Variants in WFS1 observed in about 807,000 individuals in gnomAD.
WFS1 encodes the protein wolframin ER transmembrane glycoprotein.
WFS1 carries 90 observed loss-of-function variants against 68.5 expected under a neutral mutation model. The ratio of observed to expected loss-of-function variants is 1.31; its 90% CI spans 1.11 to 1.56. WFS1 has a LOEUF of 1.56. Among genes scored for constraint, WFS1 ranks in the 40% most tolerant of loss-of-function variants. The pLI, the probability that WFS1 is intolerant of heterozygous loss-of-function variation, is 0.00. For missense variants in WFS1, 1,767 were observed against 1,232.6 expected (o/e 1.43, Z -6.49); for synonymous variants, 860 against 540.7 (o/e 1.59, Z -8.19).
chr4:6,285,104 C>A (rs182881351), intron 2 of WFS1, among the ~76,000 whole-genome samples: 1 of 151,678 alleles, frequency 6.6e-6, no homozygotes, highest in Non-Finnish European at 1.5e-5. Flanking sequence ...CTCTGAGCAG[C>A]GTCCTTGAGG....
chr4:6,296,193 A>T (rs1730634845), intron 7 of WFS1, among the ~76,000 whole-genome samples: 1 of 152,196 alleles, frequency 6.6e-6, no homozygotes, highest in Non-Finnish European at 1.5e-5. Flanking sequence ...GCCAGGGAGA[A>T]GGTCAGAGTA....
chr4:6,297,431 T>G (rs1730666419), intron 7 of WFS1, among the ~76,000 whole-genome samples: 1 of 152,208 alleles, frequency 6.6e-6, no homozygotes. Context: ...CACACAGTTC[T>G]CTTCTGGAGC....
intron 7 of WFS1, 59 bp downstream of exon 7, chr4:6,295,248 A>C: frequency 1.2e-5 from 20 of 1,602,760 alleles, no homozygotes; most frequent in Non-Finnish European, 1.5e-5. Context: ...CGCGCACCTC[A>C]GGCAGGGCAC....
chr4:6,270,415 C>T (rs778920839), intron 1 of WFS1, among the ~76,000 whole-genome samples: 25 of 151,890 alleles, frequency 1.6e-4, no homozygotes, highest in Non-Finnish European at 3.7e-4. Flanking sequence ...CACGGCCGCC[C>T]TCGGTGCCCG....
rs961310421 is a variant in WFS1 at position 6,302,712 on chromosome 4, C to T, written c.*244C>T. 6 of 619,118 alleles carry T rather than the reference C, an allele frequency of 9.7e-6. No individual in the cohort carries two copies. The highest frequency in any genetic ancestry group is 6.1e-5 in the South Asian group (3 of 49,446). The allele number at this position is 619,118 out of a possible 1,614,324, so 38.4% of individuals were successfully genotyped here. ...CATGCCATCTCCACCCTGAGCCTGACCTTTCTGAGTGACATGGGTGTGCCA... is the reference window on the plus strand; with the variant it reads ...CATGCCATCTCCACCCTGAGCCTGATCTTTCTGAGTGACATGGGTGTGCCA... On this transcript the variant is annotated 3_prime_UTR_variant, in exon 8 of 8. Coordinates refer to ENST00000226760, the MANE Select transcript of WFS1 (RefSeq NM_006005.3).
At chr4:6,277,776 C>G (rs1289205087) in intron 2 of WFS1, 89 bp downstream of exon 2, 5 of 1,445,566 alleles carry the variant, frequency 3.5e-6, no homozygotes, top group East Asian at 5.0e-5. Flanking sequence ...AGGGTCCCCC[C>G]GCCAGGTCCT....
At position 6,302,632 on chromosome 4, in the gene WFS1, G is replaced by GACCATGTGTAGATT. The variant is rs1730998331; in HGVS notation, c.*164_*165insACCATGTGTAGATT. ...TGTAGATTGCGTGGACCCCGACAAA[G>GACCATGTGTAGATT]GGAAGGCTGCTGTGTAGCTCTGTCC... is the stretch of plus-strand genomic sequence containing the variant. On this transcript the variant is annotated 3_prime_UTR_variant, in exon 8 of 8. Transcript: ENST00000226760. 6 of 977,534 alleles carry GACCATGTGTAGATT rather than the reference G, an allele frequency of 6.1e-6. No individual in the cohort carries two copies. The East Asian group carries it at 1.6e-4, about 26-fold the overall frequency. The allele number at this position is 977,534 out of a possible 1,614,324, so 60.6% of individuals were successfully genotyped here.
intron 2 of WFS1, among the ~76,000 whole-genome samples, chr4:6,284,824 A>C (rs1007497331): frequency 5.3e-5 from 8 of 150,698 alleles, no homozygotes; most frequent in Non-Finnish European, 1.0e-4. Flanking sequence ...ACTGTGGAGC[A>C]TGGATCCACA....
At chr4:6,289,212 C>A in intron 4 of WFS1, 81 bp downstream of exon 4, 1 of 1,494,170 alleles carries the variant, frequency 6.7e-7, no homozygotes, top group Non-Finnish European at 9.0e-7. Context: ...CAACTAAAAT[C>A]TTACCAAACC....
At chr4:6,297,572 A>G (rs1730670400) in intron 7 of WFS1, among the ~76,000 whole-genome samples, 1 of 152,200 alleles carries the variant, frequency 6.6e-6, no homozygotes, top group Non-Finnish European at 1.5e-5. Flanking sequence ...AGGTTTGAGC[A>G]GAATCTCGTC....
chr4:6,300,626 G>C, intron 7 of WFS1, 31 bp from the exon 8 acceptor site: 1 of 1,613,608 alleles, frequency 6.2e-7, no homozygotes, highest in East Asian at 2.2e-5. Flanking sequence ...TCCTGTCCCA[G>C]CCTCGTTCCC....
rs1334136962 is a variant in WFS1 at position 6,269,994 on chromosome 4, G to GT, written c.-25dup. The GT allele has an allele frequency of 6.6e-6, 1 of 152,196 alleles. No homozygotes were observed. The highest frequency in any genetic ancestry group is 1.5e-5 in the Non-Finnish European group (1 of 68,040). The allele number at this position is 152,196 out of a possible 1,614,324, so 9.4% of individuals were successfully genotyped here. A position where few individuals can be genotyped will look rare whatever the true frequency, so the allele number is the denominator to read the frequency against. On this transcript the variant is annotated 5_prime_UTR_variant, in exon 1 of 8. Transcript: ENST00000226760. ...AGGCCCCAGGGCGTCGCAGCGCCGC[G>GT]TGCGGCCCACTCACGGGCCGGTGAG... is the stretch of plus-strand genomic sequence containing the variant.
rs886059532 is a variant in WFS1, at chr4:6,302,276, C to G, written c.2481C>G (p.Thr827=). Residue 827 remains threonine (T), a synonymous_variant, in exon 8 of 8, where the codon ACC becomes ACG. Coordinates refer to ENST00000226760, the MANE Select transcript of WFS1 (RefSeq NM_006005.3). Reference sequence around the variant, plus strand: ...AGGGCAGCCTCATCGAGTTCAGCACCATCCTGGAGGGCCGCCTGGGCAGCA... The same window carrying G: ...AGGGCAGCCTCATCGAGTTCAGCACGATCCTGGAGGGCCGCCTGGGCAGCA... ...LRQGSLIEFS[T]ILEGRLGSKW... The G allele has an allele frequency of 1.2e-6, 2 of 1,604,694 alleles. No homozygotes were observed. The highest frequency in any genetic ancestry group is 1.3e-5 in the African/African-American group (1 of 74,792).
chr4:6,295,255 G>A, intron 7 of WFS1, 66 bp downstream of exon 7: 1 of 1,597,650 alleles, frequency 6.3e-7, no homozygotes, highest in South Asian at 1.1e-5. Context: ...CTCAGGCAGG[G>A]CACCTTCCAG....
chr4:6,288,794 T>C (rs965645302), intron 3 of WFS1, 193 bp from the exon 4 acceptor site: 9 of 749,822 alleles, frequency 1.2e-5, no homozygotes, highest in Non-Finnish European at 2.0e-5. Context: ...TTCCTCACCG[T>C]GTTTTGAGGA....
rs370922505 is a variant in WFS1, at chr4:6,287,187, G to A, written c.315+12G>A. On this transcript the variant is annotated intron_variant, in intron 3 of 7. Transcript: ENST00000226760. The surrounding 1 kb of genome is among the most constrained non-coding windows in gnomAD (Gnocchi z 6.4). Reference sequence around the variant, plus strand: ...AGGCACAGACTGAGGTGAGGACTGCGGTGCCGGCAGGGACTTCGGGACGCG... The same window carrying A: ...AGGCACAGACTGAGGTGAGGACTGCAGTGCCGGCAGGGACTTCGGGACGCG... 55 of 1,553,394 alleles carry A rather than the reference G, an allele frequency of 3.5e-5. No homozygotes were observed. The highest frequency in any genetic ancestry group is 2.2e-4 in the African/African-American group (16 of 73,488).
At chr4:6,271,815 C>T (rs1371636405) in intron 1 of WFS1, among the ~76,000 whole-genome samples, 1 of 152,220 alleles carries the variant, frequency 6.6e-6, no homozygotes, top group Non-Finnish European at 1.5e-5. Context: ...TCCCTCTGGG[C>T]TATCGGGTCA....
rs555864109 is a variant in WFS1, at chr4:6,290,175, G to A, written c.461-1022G>A. Among the ~76,000 whole-genome samples, 3 of 152,348 alleles carry A rather than the reference G, an allele frequency of 2.0e-5. No individual in the cohort carries two copies. The South Asian group carries it at 6.2e-4, about 32-fold the overall frequency. On this transcript the variant is annotated intron_variant, in intron 4 of 7. Coordinates refer to ENST00000226760, the MANE Select transcript of WFS1 (RefSeq NM_006005.3). Reference sequence around the variant, plus strand: ...GCTGGTCACAAACTCCTGACCTCAGGGGATCCACCCTCCTTGGCCTCCCAA... The same window carrying A: ...GCTGGTCACAAACTCCTGACCTCAGAGGATCCACCCTCCTTGGCCTCCCAA...
chr4:6,301,243 T>G lies in WFS1; in HGVS notation c.1448T>G (p.Val483Gly). Residue 483 changes from valine (V) to glycine (G), a missense_variant, in exon 8 of 8, where the codon GTC (valine) becomes GGC (glycine). Val to Gly is a moderately radical substitution (Grantham distance 109). Coordinates refer to ENST00000226760, the MANE Select transcript of WFS1 (RefSeq NM_006005.3). Reference protein sequence around the residue: ...SMPLNWPYLKVLGQTFITVPV... With the variant: ...SMPLNWPYLKGLGQTFITVPV... The stretch of plus-strand genomic sequence containing the variant: ...CCCTTGAATTGGCCCTACCTGAAGG[T>G]CCTTGGCCAGACCTTCATCACCGTG... 2 of 1,611,510 alleles carry G rather than the reference T, an allele frequency of 1.2e-6. No individual in the cohort carries two copies. The highest frequency in any genetic ancestry group is 1.7e-6 in the Non-Finnish European group (2 of 1,180,004).
Sources: gnomAD v4.1 joint callset for allele counts (sites outside exome capture counted in the v4.1 genomes callset) on GRCh38, gnomAD v4.1.1 for gene constraint, Gnocchi (gnomAD v3.1) non-coding constraint, MANE v1.5 for transcripts, NCBI Gene and HGNC (gene_info 2026-07-23, HGNC 2026-07-21) for gene names.